Variants in KCNC4 observed in about 807,000 individuals in gnomAD.
KCNC4 encodes voltage-gated potassium channel KCNC4.
A neutral mutation model predicts 42.8 loss-of-function variants in KCNC4; 23 were observed. That is an observed-to-expected ratio of 0.54 (90% CI 0.39 to 0.76). The LOEUF (loss-of-function observed/expected upper bound fraction) is 0.76, where lower values mean the gene tolerates loss of function less well. Ranked by LOEUF, KCNC4 falls within the 30% of genes least tolerant of loss-of-function variation. The pLI, the probability that KCNC4 is intolerant of heterozygous loss-of-function variation, is 0.00. For synonymous variants in KCNC4, 422 were observed against 393.5 expected (o/e 1.07, Z -0.86); for missense variants, 751 against 898.2 (o/e 0.84, Z 2.10).
In KCNC4 at chr1:110,233,002, A is replaced by G. The variant is rs772768956; in HGVS notation, c.*30A>G. ...GCACCAACGTGAGAGAGACAGGCAG[A>G]CAGACAGAAAGCCAGAGGCTTAGGG... On this transcript the variant is annotated 3_prime_UTR_variant, in exon 4 of 4. Transcript: ENST00000438661. 4 of 1,603,938 alleles carry G rather than the reference A, an allele frequency of 2.5e-6. No homozygotes were observed. Among genetic ancestry groups the G allele is most frequent in the Admixed American group, 1.7e-5 (1 of 58,860 alleles).
At chr1:110,241,636 C>T (rs543750636) in exon 4 of KCNC4, 10 of 152,330 alleles carry the variant, frequency 6.6e-5, no homozygotes, top group African/African-American at 2.4e-4. Context: ...TGGAGGCTGC[C>T]TCTGTCTGGA....
intron 1 of KCNC4, among the ~76,000 whole-genome samples, chr1:110,260,822 C>T (rs964164783): frequency 4.6e-5 from 7 of 152,080 alleles, no homozygotes; most frequent in South Asian, 2.1e-4. Flanking sequence ...CCCAGCTACT[C>T]GGGAGGCTGA....
downstream of KCNC4, among the ~76,000 whole-genome samples, chr1:110,249,320 C>T (rs61257258): frequency 1.3e-3 from 201 of 152,322 alleles, 1 homozygote; most frequent in African/African-American, 4.7e-3. Flanking sequence ...CCCCTTTACC[C>T]TCCTGCCCAT....
Position 110,223,935 on chromosome 1 carries a change from C to T in KCNC4, c.1615+35C>T, listed in dbSNP as rs1434280796. 1.3e-6 allele frequency: 2 copies of T among 1,501,468 alleles called. No homozygotes were observed. The highest frequency in any genetic ancestry group is 1.8e-6 in the Non-Finnish European group (2 of 1,100,732). 93.0% of individuals were successfully genotyped at this position (1,501,468 alleles called of 1,614,324 possible). A position where few individuals can be genotyped will look rare whatever the true frequency, so the allele number is the denominator to read the frequency against. ...GGGGTTGGGAAGGAAAATCCCTTTT[C>T]CCCCAGTGGCCTAGGGAGTTTCCAA... On this transcript the variant is annotated intron_variant, in intron 2 of 3. Coordinates refer to ENST00000438661, the MANE Select transcript of KCNC4 (RefSeq NM_001039574.3). This position sits in a 1 kb window ranked among gnomAD's most constrained non-coding sequence, Gnocchi z 7.5.
Position 110,232,980 on chromosome 1 carries a change from C to T in KCNC4, c.*8C>T. On this transcript the variant is annotated 3_prime_UTR_variant, in exon 4 of 4. Transcript: ENST00000438661. ...GTCCTCACCCTCTCTTAAAGCGGCA[C>T]CAACGTGAGAGAGACAGGCAGACAG... 1.9e-6 allele frequency: 3 copies of T among 1,609,630 alleles called. No homozygotes were observed. The highest frequency in any genetic ancestry group is 2.7e-5 in the African/African-American group (2 of 74,888).
At chr1:110,276,994 G>T (rs1279894376) in intron 1 of KCNC4, among the ~76,000 whole-genome samples, 1 of 152,206 alleles carries the variant, frequency 6.6e-6, no homozygotes. Context: ...CAGAGACTCA[G>T]ATTTTACCAA....
At chr1:110,231,773 C>A (rs1658705602) in intron 3 of KCNC4, among the ~76,000 whole-genome samples, 1 of 152,126 alleles carries the variant, frequency 6.6e-6, no homozygotes, top group African/African-American at 2.4e-5. Flanking sequence ...CTCAGAGGCC[C>A]AGAACACTTG....
chr1:110,277,537 A>G (rs1659745889), intron 1 of KCNC4, among the ~76,000 whole-genome samples: 1 of 152,156 alleles, frequency 6.6e-6, no homozygotes, highest in Non-Finnish European at 1.5e-5. Flanking sequence ...TTCAATACCA[A>G]GATCTATAAA....
At position 110,232,984 on chromosome 1, in the gene KCNC4, C is replaced by T. The variant is rs371980556; in HGVS notation, c.*12C>T. ...TCACCCTCTCTTAAAGCGGCACCAA[C>T]GTGAGAGAGACAGGCAGACAGACAG... On this transcript the variant is annotated 3_prime_UTR_variant, in exon 4 of 4. Coordinates refer to ENST00000438661, the MANE Select transcript of KCNC4 (RefSeq NM_001039574.3). 2.1e-5 allele frequency: 34 copies of T among 1,609,106 alleles called. No homozygotes were observed. Among genetic ancestry groups the T allele is most frequent in the Middle Eastern group, 1.7e-4 (1 of 6,058 alleles).
At position 110,213,211 on chromosome 1, in the gene KCNC4, G is replaced by C. The variant is rs866139092; in HGVS notation, c.678+1034G>C. Among the ~76,000 whole-genome samples, 3 of 143,064 alleles carry C rather than the reference G, an allele frequency of 2.1e-5. No homozygotes were observed. In the East Asian group the frequency reaches 6.0e-4, roughly 29 times the overall value. The allele number at this position is 143,064 out of a possible 152,430, so 93.9% of individuals were successfully genotyped here. ...AAAAAAAAAAAATCCCTGAAGGATG[G>C]CTTTAGATTCTTTAAAGAAAGAAAA... On this transcript the variant is annotated intron_variant, in intron 1 of 3. Coordinates refer to ENST00000438661, the MANE Select transcript of KCNC4 (RefSeq NM_001039574.3).
intron 1 of KCNC4, chr1:110,219,837 G>T (rs1437243077): frequency 2.0e-5 from 3 of 152,240 alleles, no homozygotes; most frequent in Non-Finnish European, 4.4e-5. Context: ...AATTCAGTTT[G>T]GGGAGCAACA....
chr1:110,258,811 C>A (rs1240408152), intron 1 of KCNC4, among the ~76,000 whole-genome samples: 1 of 152,182 alleles, frequency 6.6e-6, no homozygotes, highest in Non-Finnish European at 1.5e-5. Context: ...AGTGGTGAAT[C>A]CTCCAAGGCA....
At chr1:110,270,042 T>A (rs1272105564) in intron 1 of KCNC4, among the ~76,000 whole-genome samples, 1 of 152,234 alleles carries the variant, frequency 6.6e-6, no homozygotes, top group Non-Finnish European at 1.5e-5. Context: ...AACACATGTA[T>A]GAATGAACAC....
chr1:110,271,652 G>A (rs904823660), intron 1 of KCNC4, among the ~76,000 whole-genome samples: 1 of 152,200 alleles, frequency 6.6e-6, no homozygotes, highest in Middle Eastern at 3.4e-3. Context: ...TCTTTAGAAG[G>A]CCATTCCAAC....
In KCNC4 at chr1:110,233,675, G is replaced by A. The variant is rs1557865598; in HGVS notation, c.*703G>A. The A allele has an allele frequency of 6.6e-6, 1 of 152,476 alleles. No homozygotes were observed. The highest frequency in any genetic ancestry group is 1.5e-5 in the Non-Finnish European group (1 of 68,296). 9.4% of individuals were successfully genotyped at this position (152,476 alleles called of 1,614,324 possible). On this transcript the variant is annotated 3_prime_UTR_variant, in exon 4 of 4. Coordinates refer to ENST00000438661, the MANE Select transcript of KCNC4 (RefSeq NM_001039574.3). ...GTTCTCTCTCCTTTGTCTGTTTGTTGTCAAAGATGCTGCTGGGCAGACAGG... is the reference window on the plus strand; with the variant it reads ...GTTCTCTCTCCTTTGTCTGTTTGTTATCAAAGATGCTGCTGGGCAGACAGG...
At position 110,232,895 on chromosome 1, in the gene KCNC4, T is replaced by A. The variant is rs1658770984; in HGVS notation, c.1820-16T>A. The stretch of plus-strand genomic sequence containing the variant: ...CGTGCGTCCCAGTGTCTCACACCTG[T>A]GCTCTTTAAACACAGAGACCTGCCA... On this transcript the variant is annotated splice_polypyrimidine_tract_variant and intron_variant, in intron 3 of 3. Coordinates refer to ENST00000438661, the MANE Select transcript of KCNC4 (RefSeq NM_001039574.3). 6.2e-7 allele frequency: 1 copy of A among 1,608,016 alleles called. No homozygotes were observed. Among genetic ancestry groups the A allele is most frequent in the Admixed American group, 1.7e-5 (1 of 59,436 alleles).
At chr1:110,258,416 T>C (rs922982099) in intron 1 of KCNC4, among the ~76,000 whole-genome samples, 2 of 152,140 alleles carry the variant, frequency 1.3e-5, no homozygotes, top group Non-Finnish European at 2.9e-5. Flanking sequence ...CTTTGTACTT[T>C]TAGTAGAGAC....
downstream of KCNC4, among the ~76,000 whole-genome samples, chr1:110,254,097 GGGGC>G (rs956635953): frequency 7.4e-5 from 10 of 135,670 alleles, no homozygotes; most frequent in African/African-American, 1.3e-4. Flanking sequence ...AGTCGGGGGG[GGGGC>G]GGCGTTTCTG....
intron 1 of KCNC4, chr1:110,220,359 T>G (rs911276563): frequency 6.6e-6 from 1 of 152,254 alleles, no homozygotes; most frequent in African/African-American, 2.4e-5. Context: ...CCACGGGGCC[T>G]GAAGGACTCT....
Sources: gnomAD v4.1 joint callset for allele counts (sites outside exome capture counted in the v4.1 genomes callset) on GRCh38, gnomAD v4.1.1 for gene constraint, Gnocchi (gnomAD v3.1) non-coding constraint, MANE v1.5 for transcripts, NCBI Gene and HGNC (gene_info 2026-07-23, HGNC 2026-07-21) for gene names.